The following PRR16 variants were observed in gnomAD, a reference collection of about 807,000 sequenced individuals.
PRR16 encodes the protein proline rich 16.
PRR16 carries 6 observed loss-of-function variants against 18.2 expected under a neutral mutation model. The observed-to-expected ratio is 0.33, with a 90% CI of 0.18 to 0.65. PRR16 has a LOEUF of 0.65. PRR16 is among the 30% of genes least tolerant of loss of function. PRR16 has a pLI of 0.74. For synonymous variants in PRR16, 151 were observed against 147.8 expected, an observed-to-expected ratio of 1.02 and a Z score of -0.16; for missense variants, 412 against 376.6, an observed-to-expected ratio of 1.09 and a Z score of -0.78.
At chr5:120,524,587 A>C (rs907561347) in intron 1 of PRR16, among the ~76,000 whole-genome samples, 1 of 152,126 alleles carries the variant, frequency 6.6e-6, no homozygotes, top group Non-Finnish European at 1.5e-5. Context: ...ACATAGAGTT[A>C]CATACAATAA....
intron 1 of PRR16, among the ~76,000 whole-genome samples, chr5:120,591,148 G>A (rs1397059790): frequency 2.6e-5 from 4 of 151,814 alleles, no homozygotes; most frequent in Non-Finnish European, 5.9e-5. Context: ...GTGTGGTGGT[G>A]GGCGCCTGTA....
Position 120,519,427 on chromosome 5 carries a change from CTT to C in PRR16, c.159+54784_159+54785del, listed in dbSNP as rs1442804494. 2.6e-5 allele frequency among the ~76,000 whole-genome samples: 4 copies of C among 152,214 alleles called. No homozygotes were observed. The East Asian group carries it at 7.7e-4, about 29-fold the overall frequency. On this transcript the variant is annotated intron_variant, in intron 1 of 1. Transcript: ENST00000407149. ...ACTGATTAGAATTTGTGTTAGGAAT[CTT>C]TATATGATAGGCATTGAGTGATGAA...
the PRR16 span, chr5:120,790,890 T>G: frequency 6.6e-6 from 1 of 152,114 alleles, no homozygotes; most frequent in Non-Finnish European, 1.5e-5. Context: ...GATTTGATTT[T>G]AAAACAAATT....
intron 1 of PRR16, among the ~76,000 whole-genome samples, chr5:120,496,493 A>G (rs998656138): frequency 6.6e-6 from 1 of 152,076 alleles, no homozygotes; most frequent in East Asian, 1.9e-4. Flanking sequence ...TTATGTTTGT[A>G]GAGTTGTTTT....
At chr5:120,504,734 C>T (rs190799813) in intron 1 of PRR16, among the ~76,000 whole-genome samples, 2 of 152,234 alleles carry the variant, frequency 1.3e-5, no homozygotes, top group East Asian at 3.9e-4. Context: ...TTACAGGGAT[C>T]CCCTTTGAAG....
At chr5:120,504,676 A>G (rs1750581281) in intron 1 of PRR16, among the ~76,000 whole-genome samples, 1 of 152,162 alleles carries the variant, frequency 6.6e-6, no homozygotes, top group Non-Finnish European at 1.5e-5. Flanking sequence ...AAATTCAGAG[A>G]AGGGCACTGA....
chr5:120,497,785 A>G (rs1322391927), intron 1 of PRR16, among the ~76,000 whole-genome samples: 4 of 151,586 alleles, frequency 2.6e-5, no homozygotes, highest in Non-Finnish European at 5.9e-5. Context: ...AACATATCAT[A>G]TTATTTAATA....
At chr5:120,768,919 C>T in the PRR16 span, among the ~76,000 whole-genome samples, 1 of 151,644 alleles carries the variant, frequency 6.6e-6, no homozygotes, top group Non-Finnish European at 1.5e-5. Flanking sequence ...CGATGTCATT[C>T]ATTATCTCCT....
chr5:120,724,758 G>T, the PRR16 span, among the ~76,000 whole-genome samples: 2 of 151,772 alleles, frequency 1.3e-5, no homozygotes, highest in African/African-American at 2.4e-5. Flanking sequence ...CTAGCACAAC[G>T]TCTCAGGGCA....
At chr5:120,753,934 TATATA>T in the PRR16 span, among the ~76,000 whole-genome samples, 4 of 9,092 alleles carry the variant, frequency 4.4e-4, no homozygotes, top group African/African-American at 4.8e-4. Flanking sequence ...ATAAATATTA[TATATA>T]ATATATGTTA....
the PRR16 span, among the ~76,000 whole-genome samples, chr5:120,697,925 G>T: frequency 1.3e-5 from 2 of 152,092 alleles, no homozygotes; most frequent in African/African-American, 4.8e-5. Flanking sequence ...TTAAGGTGGG[G>T]CAGGGCATAT....
At chr5:120,749,259 TAAA>T in the PRR16 span, among the ~76,000 whole-genome samples, 1 of 152,066 alleles carries the variant, frequency 6.6e-6, no homozygotes. Flanking sequence ...CTCTATAACA[TAAA>T]AAATGTGCAG....
chr5:120,720,646 A>C, the PRR16 span, among the ~76,000 whole-genome samples: 1 of 152,068 alleles, frequency 6.6e-6, no homozygotes, highest in Admixed American at 6.6e-5. Context: ...GAGATTATAA[A>C]ACTTGAAATT....
the PRR16 span, among the ~76,000 whole-genome samples, chr5:120,758,875 T>A: frequency 6.6e-6 from 1 of 152,114 alleles, no homozygotes; most frequent in Non-Finnish European, 1.5e-5. Flanking sequence ...CTTTGTCATA[T>A]TTTTTATTTT....
At chr5:120,679,131 C>T (rs1756897146) in intron 1 of PRR16, among the ~76,000 whole-genome samples, 1 of 152,122 alleles carries the variant, frequency 6.6e-6, no homozygotes, top group African/African-American at 2.4e-5. Flanking sequence ...GATTGTCAAA[C>T]ACAACATCTG....
chr5:120,762,705 TG>T, the PRR16 span, among the ~76,000 whole-genome samples: 1 of 152,202 alleles, frequency 6.6e-6, no homozygotes, highest in Non-Finnish European at 1.5e-5. Context: ...ATGAATACTT[TG>T]CAAGTATTTT....
chr5:120,656,301 C>G (rs1206688637), intron 1 of PRR16, among the ~76,000 whole-genome samples: 1 of 151,650 alleles, frequency 6.6e-6, no homozygotes, highest in East Asian at 1.9e-4. Context: ...AATATCTTTG[C>G]CTATCTTTGG....
intron 1 of PRR16, among the ~76,000 whole-genome samples, chr5:120,557,520 A>G (rs1752453423): frequency 6.6e-6 from 1 of 151,906 alleles, no homozygotes; most frequent in Admixed American, 6.6e-5. Context: ...CACTGATGTG[A>G]TGAAAAAATA....
the PRR16 span, among the ~76,000 whole-genome samples, chr5:120,750,395 A>ACCG: frequency 6.6e-6 from 1 of 152,086 alleles, no homozygotes; most frequent in Non-Finnish European, 1.5e-5. Flanking sequence ...GCGGTGGCTC[A>ACCG]CACCTGTAAT....
Sources: allele counts gnomAD v4.1 joint callset (sites outside exome capture counted in the v4.1 genomes callset), GRCh38; gene constraint gnomAD v4.1.1; transcripts MANE v1.5; gene names NCBI Gene and HGNC (gene_info 2026-07-23, HGNC 2026-07-21).